The following MTR variants were observed in gnomAD, a reference collection of about 807,000 sequenced individuals.
MTR encodes the protein methionine synthase.
MTR carries 84 observed loss-of-function variants against 154.8 expected under a neutral mutation model. That is an observed-to-expected ratio of 0.54 (90% confidence interval 0.45 to 0.65). The LOEUF (loss-of-function observed/expected upper bound fraction) is 0.65, where lower values mean the gene tolerates loss of function less well. MTR is among the 30% of genes least tolerant of loss of function. The pLI is 0.00. For synonymous variants in MTR, 554 were observed against 553.9 expected (o/e 1.00, Z 0.00); for missense variants, 1,275 against 1,570.2 (o/e 0.81, Z 3.18).
At chr1:236,807,881 A>G (rs1188504029) in intron 3 of MTR, among the ~76,000 whole-genome samples, 1 of 152,222 alleles carries the variant, frequency 6.6e-6, no homozygotes, top group Admixed American at 6.5e-5. Context: ...GGAAGCAGCT[A>G]TAGACATTAT....
intron 17 of MTR, 140 bp downstream of exon 17, chr1:236,852,777 T>A: frequency 9.3e-7 from 1 of 1,070,826 alleles, no homozygotes; most frequent in East Asian, 2.4e-5. Flanking sequence ...CCACACCTAT[T>A]CATTTGTATC....
chr1:236,891,589 C>G (rs900418713), intron 29 of MTR, among the ~76,000 whole-genome samples: 1 of 152,110 alleles, frequency 6.6e-6, no homozygotes. Flanking sequence ...TGGGCGAGGA[C>G]CATTGCTGCT....
At chr1:236,868,976 AAC>A (rs1265338668) in intron 22 of MTR, among the ~76,000 whole-genome samples, 1 of 152,226 alleles carries the variant, frequency 6.6e-6, no homozygotes, top group East Asian at 1.9e-4. Flanking sequence ...TGGAAATGGC[AAC>A]AGACCCCACT....
intron 29 of MTR, among the ~76,000 whole-genome samples, chr1:236,892,881 G>C (rs892187401): frequency 1.3e-5 from 2 of 152,178 alleles, no homozygotes; most frequent in Non-Finnish European, 2.9e-5. Context: ...CGGGCAGTCT[G>C]TGACATATTA....
Position 236,901,399 on chromosome 1 carries a change from T to C in MTR, c.*3755T>C, listed in dbSNP as rs1278923758. The C allele has an allele frequency of 6.6e-6, 1 of 152,136 alleles. No individual in the cohort carries two copies. The highest frequency in any genetic ancestry group is 2.4e-5 in the African/African-American group (1 of 41,402). The allele number at this position is 152,136 out of a possible 1,614,324, so 9.4% of individuals were successfully genotyped here. A position where few individuals can be genotyped will look rare whatever the true frequency, so the allele number is the denominator to read the frequency against. On this transcript the variant is annotated 3_prime_UTR_variant, in exon 33 of 33. Coordinates refer to ENST00000366577, the MANE Select transcript of MTR (RefSeq NM_000254.3). ...CAGAAAAAGGATTATATGCTGAGGG[T>C]AAAGCACAAGTACAGAGGGTTGCAG...
At chr1:236,887,983 C>G (rs894901770) in intron 27 of MTR, among the ~76,000 whole-genome samples, 1 of 152,102 alleles carries the variant, frequency 6.6e-6, no homozygotes, top group Admixed American at 6.5e-5. Flanking sequence ...GGCTTTGTTA[C>G]CAACAAACCA....
At position 236,812,854 on chromosome 1, in the gene MTR, G is replaced by A. The variant is rs956538334; in HGVS notation, c.609+10G>A. 1 of 1,611,606 alleles carries A rather than the reference G, an allele frequency of 6.2e-7. No homozygotes were observed. Among genetic ancestry groups the A allele is most frequent in the Non-Finnish European group, 8.5e-7 (1 of 1,177,784 alleles). ...TACTGCCAATGCCAAGGTGAGTTAA[G>A]GGAGAAAAAACAGACAAGGCTGGGG... On this transcript the variant is annotated intron_variant, in intron 6 of 32. Coordinates refer to ENST00000366577, the MANE Select transcript of MTR (RefSeq NM_000254.3).
At chr1:236,839,669 A>G (rs1157923364) in intron 15 of MTR, among the ~76,000 whole-genome samples, 1 of 152,172 alleles carries the variant, frequency 6.6e-6, no homozygotes, top group Non-Finnish European at 1.5e-5. Flanking sequence ...CCTATTTAAA[A>G]CCACTAAAAA....
chr1:236,830,085 G>C (rs1465423628), intron 12 of MTR, among the ~76,000 whole-genome samples: 1 of 152,172 alleles, frequency 6.6e-6, no homozygotes, highest in African/African-American at 2.4e-5. Flanking sequence ...AGCAAAAGTA[G>C]TGTCCACTTT....
chr1:236,892,397 A>T (rs1288949543), intron 29 of MTR, among the ~76,000 whole-genome samples: 2 of 152,082 alleles, frequency 1.3e-5, no homozygotes, highest in East Asian at 1.9e-4. Context: ...CGGGAGGATC[A>T]CTTGAGCCTA....
At chr1:236,852,393 C>G (rs958236685) in intron 16 of MTR, 128 bp from the exon 17 acceptor site, 4 of 751,320 alleles carry the variant, frequency 5.3e-6, no homozygotes, top group Non-Finnish European at 9.3e-6. Flanking sequence ...ACAAGAAGCT[C>G]TGAATTACTT....
At chr1:236,857,178 C>G (rs1359395202) in intron 18 of MTR, among the ~76,000 whole-genome samples, 2 of 152,178 alleles carry the variant, frequency 1.3e-5, no homozygotes, top group African/African-American at 4.8e-5. Context: ...TTCTCCACAT[C>G]CTCTCCAGCA....
intron 14 of MTR, among the ~76,000 whole-genome samples, chr1:236,835,929 A>G (rs1662880540): frequency 1.3e-5 from 2 of 152,136 alleles, no homozygotes; most frequent in African/African-American, 2.4e-5. Flanking sequence ...GGGATTGTTC[A>G]TGAGAATTGA....
chr1:236,805,083 G>T (rs1660904445), intron 2 of MTR, among the ~76,000 whole-genome samples: 1 of 152,124 alleles, frequency 6.6e-6, no homozygotes, highest in African/African-American at 2.4e-5. Flanking sequence ...TACTATAAAT[G>T]TGCGTATCTT....
At position 236,852,965 on chromosome 1, in the gene MTR, G is replaced by T. The variant is rs1200909844; in HGVS notation, c.1830G>T (p.Gly610=). 8.7e-6 allele frequency: 14 copies of T among 1,613,886 alleles called. No individual in the cohort carries two copies. Among genetic ancestry groups the T allele is most frequent in the South Asian group, 1.1e-5 (1 of 91,084 alleles). ...GCCCTTAGTCTGGCATGGACATGGG[G>T]ATAGTGAATGCTGGAAACCTCCCTG... is the stretch of plus-strand genomic sequence containing the variant. The part of the protein sequence containing the change: ...YHAIKSGMDM[G]IVNAGNLPVY... Residue 610 remains glycine, a synonymous_variant, in exon 18 of 33, where the codon GGG becomes GGT. Coordinates refer to ENST00000366577, the MANE Select transcript of MTR (RefSeq NM_000254.3).
chr1:236,866,022 A>G (rs1664803509), intron 22 of MTR, among the ~76,000 whole-genome samples: 1 of 152,208 alleles, frequency 6.6e-6, no homozygotes, highest in African/African-American at 2.4e-5. Context: ...ACTTCGTAAT[A>G]TGTCACCTTA....
intron 15 of MTR, among the ~76,000 whole-genome samples, chr1:236,840,783 A>AT (rs965082530): frequency 4.6e-5 from 7 of 152,102 alleles, no homozygotes; most frequent in African/African-American, 1.4e-4. Flanking sequence ...TGTGTTTCTA[A>AT]TTTTTTAGTA....
chr1:236,859,437 C>G (rs946062853), intron 18 of MTR, among the ~76,000 whole-genome samples: 2 of 152,206 alleles, frequency 1.3e-5, no homozygotes, highest in East Asian at 3.9e-4. Context: ...CCTTTGATGT[C>G]TGACTTAGCT....
intron 1 of MTR, among the ~76,000 whole-genome samples, 187 bp downstream of exon 1, chr1:236,795,924 C>G (rs1316682748): frequency 6.6e-6 from 1 of 152,244 alleles, no homozygotes; most frequent in African/African-American, 2.4e-5. Context: ...ACTCTTTGTC[C>G]GACCTTCACC....
Sources: gnomAD v4.1 joint callset for allele counts (sites outside exome capture counted in the v4.1 genomes callset) on GRCh38, gnomAD v4.1.1 for gene constraint, MANE v1.5 for transcripts, NCBI Gene and HGNC (gene_info 2026-07-23, HGNC 2026-07-21) for gene names.